SRRD: variants seen among roughly 807,000 people sequenced by gnomAD.
The protein encoded by SRRD is SRR1 domain containing, also known as SRR1-like protein.
A neutral mutation model predicts 30.7 loss-of-function variants in SRRD; 28 were observed. The observed-to-expected ratio is 0.91, with a 90% CI of 0.68 to 1.25. The LOEUF is 1.25. Ranked by LOEUF, SRRD falls within the 50% of genes most tolerant of loss-of-function variation. SRRD has a pLI of 0.00. For missense variants in SRRD, 415 were observed against 417.3 expected (o/e 0.99, Z 0.05); for synonymous variants, 161 against 159.6 (o/e 1.01, Z -0.07).
Position 26,494,418 on chromosome 22 carries a change from T to C in SRRD, c.*2746T>C, listed in dbSNP as rs1602195162. ...GTCCTACAGGCTAGTGACACTACTT[T>C]ACAGGGATTTATAGTAGCTAAACAG... On this transcript the variant is annotated 3_prime_UTR_variant, in exon 7 of 7. Transcript: ENST00000215917. 3 of 1,249,988 alleles carry C rather than the reference T, an allele frequency of 2.4e-6. No homozygotes were observed. Among genetic ancestry groups the C allele is most frequent in the East Asian group, 4.8e-5 (2 of 41,884 alleles). The allele number at this position is 1,249,988 out of a possible 1,614,324, so 77.4% of individuals were successfully genotyped here. A position where few individuals can be genotyped will look rare whatever the true frequency, so the allele number is the denominator to read the frequency against.
Position 26,491,742 on chromosome 22 carries a change from T to C in SRRD, c.*70T>C, listed in dbSNP as rs2269649. Reference sequence around the variant, plus strand: ...CCAGAGACTAAAGGGAAGGCTGCTATGGAGGAACTACAGAGAACTCCTTTG... The same window carrying C: ...CCAGAGACTAAAGGGAAGGCTGCTACGGAGGAACTACAGAGAACTCCTTTG... On this transcript the variant is annotated 3_prime_UTR_variant, in exon 7 of 7. Transcript: ENST00000215917. 7.3e-4 allele frequency: 1,020 copies of C among 1,399,446 alleles called. 14 individuals are homozygous for C. The East Asian group carries it at 0.012, about 16-fold the overall frequency. The allele number at this position is 1,399,446 out of a possible 1,614,324, so 86.7% of individuals were successfully genotyped here.
intron 3 of SRRD, 49 bp downstream of exon 3, chr22:26,488,337 T>C: frequency 1.2e-6 from 2 of 1,613,766 alleles, no homozygotes; most frequent in South Asian, 1.1e-5. Context: ...GTCCTATACA[T>C]GGGTGCACAC....
At chr22:26,484,162 C>T (rs1158743999) in intron 1 of SRRD, 63 bp downstream of exon 1, 2 of 1,466,476 alleles carry the variant, frequency 1.4e-6, no homozygotes, top group Middle Eastern at 2.2e-4. Context: ...GCCACAGTCT[C>T]CCCATCTGTA....
intron 6 of SRRD, 45 bp from the exon 7 acceptor site, chr22:26,491,418 T>C: frequency 7.0e-7 from 1 of 1,434,412 alleles, no homozygotes; most frequent in Non-Finnish European, 9.7e-7. Flanking sequence ...GAGTGGGGAT[T>C]ACTGTGACTA....
chr22:26,484,006 CGGCGCCCCG>C lies in SRRD; in HGVS notation c.119_127del (p.Ala40_Arg42del). 7.4e-7 allele frequency: 1 copy of C among 1,350,100 alleles called. No individual in the cohort carries two copies. Among genetic ancestry groups the C allele is most frequent in the South Asian group, 1.7e-5 (1 of 57,648 alleles). 83.6% of individuals were successfully genotyped at this position (1,350,100 alleles called of 1,614,324 possible). A position where few individuals can be genotyped will look rare whatever the true frequency, so the allele number is the denominator to read the frequency against. On this transcript the variant is annotated inframe_deletion, in exon 1 of 7. Coordinates refer to ENST00000215917, the MANE Select transcript of SRRD (RefSeq NM_001013694.3). ...GAGGCGGCGCCCCGGGGGAGAGAGG[CGGCGCCCCG>C]GGGGAGAGAGGCGGCGCCCCGGGGC...
chr22:26,492,358 C>CA lies in SRRD; in HGVS notation c.*687dup. ...CAATGTTCTCCCGTGCTCCTGGCTG[C>CA]ATGTAGGCACCTAAGATACAGGAGG... On this transcript the variant is annotated 3_prime_UTR_variant, in exon 7 of 7. Coordinates refer to ENST00000215917, the MANE Select transcript of SRRD (RefSeq NM_001013694.3). 6.2e-7 allele frequency: 1 copy of CA among 1,614,080 alleles called. No homozygotes were observed. Among genetic ancestry groups the CA allele is most frequent in the Non-Finnish European group, 8.5e-7 (1 of 1,179,970 alleles).
In SRRD at chr22:26,490,016, T is replaced by G. The variant is rs889041018; in HGVS notation, c.610-28T>G. ...CTGTAAAGAATAGGTTGTGGGCATG[T>G]TTACACCTGTGAATATCGTATCCCC... On this transcript the variant is annotated intron_variant, in intron 4 of 6. Transcript: ENST00000215917. The G allele has an allele frequency of 2.5e-6, 4 of 1,613,410 alleles. No homozygotes were observed. In the South Asian group the frequency reaches 3.3e-5, roughly 13 times the overall value.
chr22:26,489,099 C>CTG (rs1434252244), intron 4 of SRRD, among the ~76,000 whole-genome samples: 1 of 152,124 alleles, frequency 6.6e-6, no homozygotes, highest in Non-Finnish European at 1.5e-5. Flanking sequence ...CTTTTGATTC[C>CTG]TGTGTGTGTG....
Position 26,488,097 on chromosome 22 carries a change from A to C in SRRD, c.319A>C (p.Ile107Leu). The change falls in exon 3 of 7, where the codon ATC becomes CTC. Residue 107 changes from isoleucine (I) to leucine (L), a missense_variant. Physicochemically the swap from Ile to Leu is conservative, Grantham distance 5. Transcript: ENST00000215917. The part of the protein sequence containing the change: ...LKAPVGTLSD[I>L]FGNLHLDSLP... ...GGCCCCTGTGGGGACTCTTTCAGAC[A>C]TCTTTGGAAACCTGCATCTTGACTC... 1 of 1,614,182 alleles carries C rather than the reference A, an allele frequency of 6.2e-7. No homozygotes were observed. Among genetic ancestry groups the C allele is most frequent in the Non-Finnish European group, 8.5e-7 (1 of 1,180,024 alleles).
chr22:26,487,629 A>G lies in SRRD; in HGVS notation c.251-400A>G, dbSNP rs566477720. On this transcript the variant is annotated intron_variant, in intron 2 of 6. Coordinates refer to ENST00000215917, the MANE Select transcript of SRRD (RefSeq NM_001013694.3). ...ACTCACCTAGGCCTCCCAAAGTGCT[A>G]GGATTACAGGCGTGAGCACCTGGTT... 7.5e-4 allele frequency among the ~76,000 whole-genome samples: 114 copies of G among 152,194 alleles called. 2 individuals are homozygous for G. Among genetic ancestry groups the G allele is most frequent in the Admixed American group, 7.2e-4 (11 of 15,280 alleles).
chr22:26,488,622 C>G lies in SRRD; in HGVS notation c.609+134C>G, dbSNP rs1284802603. ...TTACCGCCTGCTCACTTTTGTAGTGCCTGAACGATGTAACCAGCCAATCAG... is the reference window on the plus strand; with the variant it reads ...TTACCGCCTGCTCACTTTTGTAGTGGCTGAACGATGTAACCAGCCAATCAG... On this transcript the variant is annotated intron_variant, in intron 4 of 6. Coordinates refer to ENST00000215917, the MANE Select transcript of SRRD (RefSeq NM_001013694.3). 5.2e-5 allele frequency: 36 copies of G among 687,396 alleles called. 1 individual carries two copies. In the East Asian group the frequency reaches 9.3e-4, roughly 18 times the overall value. The allele number at this position is 687,396 out of a possible 1,614,324, so 42.6% of individuals were successfully genotyped here. A position where few individuals can be genotyped will look rare whatever the true frequency, so the allele number is the denominator to read the frequency against.
At position 26,492,625 on chromosome 22, in the gene SRRD, G is replaced by A; in HGVS notation, c.*953G>A. The A allele has an allele frequency of 2.2e-6, 1 of 463,152 alleles. No individual in the cohort carries two copies. The highest frequency in any genetic ancestry group is 2.4e-5 in the South Asian group (1 of 41,470). The allele number at this position is 463,152 out of a possible 1,614,324, so 28.7% of individuals were successfully genotyped here. A position where few individuals can be genotyped will look rare whatever the true frequency, so the allele number is the denominator to read the frequency against. ...CATTTTAAAATGAAGTATCTGCAAGGGATTTCTTCCTTCAGAGCTGGAAAC... is the reference window on the plus strand; with the variant it reads ...CATTTTAAAATGAAGTATCTGCAAGAGATTTCTTCCTTCAGAGCTGGAAAC... On this transcript the variant is annotated 3_prime_UTR_variant, in exon 7 of 7. Coordinates refer to ENST00000215917, the MANE Select transcript of SRRD (RefSeq NM_001013694.3).
chr22:26,488,615 T>C, intron 4 of SRRD, 127 bp downstream of exon 4: 2 of 720,810 alleles, frequency 2.8e-6, no homozygotes, highest in South Asian at 3.3e-5. Flanking sequence ...TGCTCACTTT[T>C]GTAGTGCCTG....
At chr22:26,486,547 C>T (rs2091710155) in intron 2 of SRRD, among the ~76,000 whole-genome samples, 1 of 152,168 alleles carries the variant, frequency 6.6e-6, no homozygotes, top group African/African-American at 2.4e-5. Flanking sequence ...GTGTCTTACT[C>T]TTCGCCTAGG....
chr22:26,489,241 G>A (rs2091730097), intron 4 of SRRD, among the ~76,000 whole-genome samples: 1 of 152,182 alleles, frequency 6.6e-6, no homozygotes, highest in Non-Finnish European at 1.5e-5. Flanking sequence ...TGCCTGTTCT[G>A]TGCTAGGCAG....
chr22:26,490,360 C>T (rs148499188), intron 5 of SRRD, among the ~76,000 whole-genome samples, 162 bp downstream of exon 5: 2 of 152,196 alleles, frequency 1.3e-5, no homozygotes, highest in African/African-American at 2.4e-5. Flanking sequence ...AATCCTGATT[C>T]GAACTATGAA....
Position 26,491,530 on chromosome 22 carries a change from C to T in SRRD, c.878C>T (p.Thr293Ile), listed in dbSNP as rs202243871. 1.1e-4 allele frequency: 182 copies of T among 1,613,956 alleles called. No individual in the cohort carries two copies. The Middle Eastern group carries it at 4.5e-3, about 40-fold the overall frequency. Residue 293 changes from threonine to isoleucine, a missense_variant, in exon 7 of 7, where the codon ACC becomes ATC. Transcript: ENST00000215917. Reference sequence around the variant, plus strand: ...CAATACATGGACATATTTAATGATACCTCTGTCCACTGGTTCCCTGTGCAA... The same window carrying T: ...CAATACATGGACATATTTAATGATATCTCTGTCCACTGGTTCCCTGTGCAA... ...TSQYMDIFND[T>I]SVHWFPVQKL...
rs747920354 is a variant in SRRD, at chr22:26,491,705, T to G, written c.*33T>G. 1.3e-6 allele frequency: 2 copies of G among 1,577,730 alleles called. No homozygotes were observed. The highest frequency in any genetic ancestry group is 1.7e-6 in the Non-Finnish European group (2 of 1,158,324). Reference sequence around the variant, plus strand: ...GTGAGGTACTCAGTGTTGGCTGAGGTAGAAGCTGCCACCAGAGACTAAAGG... The same window carrying G: ...GTGAGGTACTCAGTGTTGGCTGAGGGAGAAGCTGCCACCAGAGACTAAAGG... On this transcript the variant is annotated 3_prime_UTR_variant, in exon 7 of 7. Coordinates refer to ENST00000215917, the MANE Select transcript of SRRD (RefSeq NM_001013694.3).
chr22:26,491,446 T>A lies in SRRD; in HGVS notation c.811-17T>A. The A allele has an allele frequency of 6.3e-7, 1 of 1,598,330 alleles. No individual in the cohort carries two copies. The highest frequency in any genetic ancestry group is 8.5e-7 in the Non-Finnish European group (1 of 1,170,548). On this transcript the variant is annotated splice_polypyrimidine_tract_variant and intron_variant, in intron 6 of 6. Transcript: ENST00000215917. ...TGTGACTATCTGAAGTTTTTATACT[T>A]GAATTTTTCTGCTCAGATTTTAAAA...
Sources: gnomAD v4.1 joint callset for allele counts (sites outside exome capture counted in the v4.1 genomes callset) on GRCh38, gnomAD v4.1.1 for gene constraint, MANE v1.5 for transcripts, NCBI Gene and HGNC (gene_info 2026-07-23, HGNC 2026-07-21) for gene names.